COPG2: variants seen among roughly 807,000 people sequenced by gnomAD.
The protein encoded by COPG2 is coat protein complex I subunit gamma 2, also known as coatomer subunit gamma-2.
In COPG2, 37 loss-of-function variants were observed where a neutral mutation model predicts 46.3. The ratio of observed to expected loss-of-function variants is 0.80; its 90% CI spans 0.61 to 1.05. The LOEUF (loss-of-function observed/expected upper bound fraction) is 1.05, where lower values mean the gene tolerates loss of function less well. COPG2 is among the 50% of genes least tolerant of loss of function. COPG2 has a pLI of 0.00. For synonymous variants in COPG2, 159 were observed against 129.7 expected (o/e 1.23, Z -1.53); for missense variants, 427 against 387.8 (o/e 1.10, Z -0.85).
intron 9 of COPG2, among the ~76,000 whole-genome samples, chr7:130,595,047 T>TA (rs1451239174): frequency 6.6e-6 from 1 of 152,154 alleles, no homozygotes; most frequent in Non-Finnish European, 1.5e-5. Flanking sequence ...TATTGTCACA[T>TA]AAAAAATTAC....
chr7:130,630,686 C>T (rs1795211495), intron 5 of COPG2, among the ~76,000 whole-genome samples: 1 of 152,086 alleles, frequency 6.6e-6, no homozygotes, highest in Non-Finnish European at 1.5e-5. Context: ...ATTACTTTGT[C>T]CTCTTGGTAA....
At chr7:130,576,805 T>C (rs1554446288) in intron 9 of COPG2, among the ~76,000 whole-genome samples, 1 of 151,718 alleles carries the variant, frequency 6.6e-6, no homozygotes, top group Non-Finnish European at 1.5e-5. Flanking sequence ...AACAAAAAAA[T>C]ACCAAAGGTA....
chr7:130,631,283 G>A (rs1332368223), intron 5 of COPG2, among the ~76,000 whole-genome samples: 4 of 149,092 alleles, frequency 2.7e-5, no homozygotes, highest in South Asian at 2.1e-4. Context: ...ATGATTCTCC[G>A]AGTAACTGGG....
At chr7:130,616,055 T>C (rs1218193797) in intron 6 of COPG2, among the ~76,000 whole-genome samples, 2 of 152,166 alleles carry the variant, frequency 1.3e-5, no homozygotes, top group Non-Finnish European at 2.9e-5. Flanking sequence ...CCAGAAGACA[T>C]TGTCTCCTCA....
At position 130,550,662 on chromosome 7, in the gene COPG2, G is replaced by T; in HGVS notation, c.1649-13C>A. 2.5e-6 allele frequency: 1 copy of T among 396,728 alleles called. No homozygotes were observed. The highest frequency in any genetic ancestry group is 1.3e-4 in the South Asian group (1 of 7,790). 24.6% of individuals were successfully genotyped at this position (396,728 alleles called of 1,614,324 possible). A position where few individuals can be genotyped will look rare whatever the true frequency, so the allele number is the denominator to read the frequency against. On this transcript the variant is annotated splice_polypyrimidine_tract_variant and intron_variant, in intron 16 of 23. Transcript: ENST00000425248. ...GAGACCGTCAAACCTGTGAAACATA[G>T]AGAAATCTCAGCATTATAACCTCTT...
At chr7:130,658,418 G>C (rs1795898999) in intron 4 of COPG2, among the ~76,000 whole-genome samples, 1 of 152,104 alleles carries the variant, frequency 6.6e-6, no homozygotes, top group South Asian at 2.1e-4. Flanking sequence ...AGACACGGGG[G>C]AACTTTTTGA....
At position 130,629,975 on chromosome 7, in the gene COPG2, T is replaced by A. The variant is rs564836772; in HGVS notation, c.324-12910A>T. ...TCTTGTCGCCCAGGCTGTAGTGCAA[T>A]GGCGCAATCTCGGCTCACTGCAACC... is the stretch of plus-strand genomic sequence containing the variant. On this transcript the variant is annotated intron_variant, in intron 5 of 23. Transcript: ENST00000425248. Among the ~76,000 whole-genome samples, 19 of 151,764 alleles carry A rather than the reference T, an allele frequency of 1.3e-4. No individual in the cohort carries two copies. In the South Asian group the frequency reaches 4.0e-3, roughly 32 times the overall value.
chr7:130,615,977 A>C (rs1396984550), intron 6 of COPG2, among the ~76,000 whole-genome samples: 7 of 152,226 alleles, frequency 4.6e-5, no homozygotes. Flanking sequence ...CAAAAAGACA[A>C]GCCTTTTCAA....
intron 5 of COPG2, among the ~76,000 whole-genome samples, chr7:130,650,097 A>G (rs1554458884): frequency 6.6e-6 from 1 of 151,976 alleles, no homozygotes; most frequent in Admixed American, 6.6e-5. Context: ...CTCTTCCCCC[A>G]TCTCCAAATC....
intron 5 of COPG2, among the ~76,000 whole-genome samples, chr7:130,643,503 G>A (rs55794723): frequency 0.015 from 2,238 of 152,040 alleles, 26 homozygotes; most frequent in Non-Finnish European, 0.023. Flanking sequence ...GTTTATATGG[G>A]GATTAAGATA....
At chr7:130,602,324 T>C (rs1554450463) in intron 9 of COPG2, among the ~76,000 whole-genome samples, 1 of 152,144 alleles carries the variant, frequency 6.6e-6, no homozygotes, top group African/African-American at 2.4e-5. Flanking sequence ...AAGCTTTACA[T>C]TCAATTTACA....
chr7:130,525,175 T>A (rs1321373307), intron 20 of COPG2, among the ~76,000 whole-genome samples: 1 of 152,088 alleles, frequency 6.6e-6, no homozygotes, highest in Non-Finnish European at 1.5e-5. Flanking sequence ...AGAAAGGGAC[T>A]GAAAGCATTT....
At chr7:130,525,577 C>T (rs1001357605) in intron 20 of COPG2, among the ~76,000 whole-genome samples, 1 of 152,112 alleles carries the variant, frequency 6.6e-6, no homozygotes, top group African/African-American at 2.4e-5. Flanking sequence ...GCAGAGGAAG[C>T]AATTCAGAAT....
At chr7:130,525,792 G>A (rs1799768219) in intron 20 of COPG2, among the ~76,000 whole-genome samples, 1 of 152,126 alleles carries the variant, frequency 6.6e-6, no homozygotes, top group African/African-American at 2.4e-5. Flanking sequence ...AGAGAGCTGG[G>A]GTGTTTGGTG....
intron 5 of COPG2, among the ~76,000 whole-genome samples, chr7:130,638,987 T>A (rs1554456818): frequency 1.3e-5 from 2 of 152,064 alleles, no homozygotes; most frequent in African/African-American, 4.8e-5. Context: ...GGGAGGGAGT[T>A]CCCCAACCCC....
intron 9 of COPG2, among the ~76,000 whole-genome samples, chr7:130,571,834 C>CCT (rs1192254653): frequency 0.28 from 41,836 of 150,304 alleles, 6,518 homozygotes; most frequent in African/African-American, 0.42. Context: ...GAAAATGCGC[C>CCT]CTCTCTCTCT....
In COPG2 at chr7:130,513,359, G is replaced by GTATA. The variant is rs1159332493; in HGVS notation, c.2150-4704_2150-4701dup. ...TATATATATGTGTGTGTGTGTGTGT[G>GTATA]TATATATATATATATATGTGTGTGT... On this transcript the variant is annotated intron_variant, in intron 20 of 23. Transcript: ENST00000425248. Among the ~76,000 whole-genome samples the GTATA allele has an allele frequency of 5.5e-4, 20 of 36,664 alleles. 1 individual carries two copies. Among genetic ancestry groups the GTATA allele is most frequent in the African/African-American group, 1.0e-3 (16 of 15,636 alleles). The allele number at this position is 36,664 out of a possible 152,430, so 24.1% of individuals were successfully genotyped here.
chr7:130,541,248 A>G (rs901540136), intron 20 of COPG2, among the ~76,000 whole-genome samples: 11 of 152,174 alleles, frequency 7.2e-5, no homozygotes, highest in African/African-American at 2.7e-4. Flanking sequence ...CCCAGACTCA[A>G]GGTGGAGGAG....
At chr7:130,524,481 C>T (rs926678840) in intron 20 of COPG2, among the ~76,000 whole-genome samples, 2 of 152,060 alleles carry the variant, frequency 1.3e-5, no homozygotes, top group Non-Finnish European at 2.9e-5. Flanking sequence ...GAGAGGAGGA[C>T]AGAGGAGAGG....
Sources: gnomAD v4.1 joint callset for allele counts (sites outside exome capture counted in the v4.1 genomes callset) on GRCh38, gnomAD v4.1.1 for gene constraint, MANE v1.5 for transcripts, NCBI Gene and HGNC (gene_info 2026-07-23, HGNC 2026-07-21) for gene names.